Variants in FAM117B observed in about 807,000 individuals in gnomAD.
FAM117B encodes family with sequence similarity 117 member B.
FAM117B carries 22 observed loss-of-function variants against 52.8 expected under a neutral mutation model. The ratio of observed to expected loss-of-function variants is 0.42; its 90% CI spans 0.30 to 0.59. The LOEUF (loss-of-function observed/expected upper bound fraction) is 0.59. Among genes scored for constraint, FAM117B ranks in the 20% least tolerant of loss-of-function variants. The pLI is 0.22. For missense variants in FAM117B, 678 were observed against 802.6 expected (o/e 0.84, Z 1.88); for synonymous variants, 309 against 324.1 (o/e 0.95, Z 0.50).
intron 1 of FAM117B, among the ~76,000 whole-genome samples, chr2:202,678,345 T>G (rs1178675220): frequency 9.9e-5 from 15 of 152,116 alleles, no homozygotes; most frequent in Admixed American, 9.8e-4. Context: ...GGAGGTGGTG[T>G]TTGATTTGCA....
chr2:202,696,341 G>A (rs556509003), intron 2 of FAM117B, among the ~76,000 whole-genome samples: 1 of 151,862 alleles, frequency 6.6e-6, no homozygotes, highest in Non-Finnish European at 1.5e-5. Flanking sequence ...CCAATCTTTT[G>A]TCTTCCCTGG....
At chr2:202,697,392 G>T (rs1211495856) in intron 2 of FAM117B, among the ~76,000 whole-genome samples, 1 of 152,158 alleles carries the variant, frequency 6.6e-6, no homozygotes, top group African/African-American at 2.4e-5. Context: ...GAGCAAAACA[G>T]TTACAGCTTT....
chr2:202,734,544 A>C (rs1691409599), intron 4 of FAM117B, among the ~76,000 whole-genome samples: 1 of 152,204 alleles, frequency 6.6e-6, no homozygotes, highest in Non-Finnish European at 1.5e-5. Flanking sequence ...AAGAACCAAA[A>C]AAGTAAACAG....
chr2:202,715,642 C>T (rs550350222), intron 2 of FAM117B, among the ~76,000 whole-genome samples: 3 of 152,080 alleles, frequency 2.0e-5, no homozygotes, highest in East Asian at 1.9e-4. Flanking sequence ...AGATGATGGG[C>T]GGCCAGGCAG....
At chr2:202,698,844 T>C (rs1166804058) in intron 2 of FAM117B, among the ~76,000 whole-genome samples, 2 of 152,220 alleles carry the variant, frequency 1.3e-5, no homozygotes, top group African/African-American at 4.8e-5. Context: ...TGCTTTCTGC[T>C]TAATCCACAT....
At chr2:202,648,755 T>A (rs542904954) in intron 1 of FAM117B, among the ~76,000 whole-genome samples, 120 of 152,122 alleles carry the variant, frequency 7.9e-4, no homozygotes, top group Non-Finnish European at 1.5e-3. Flanking sequence ...AAATTCTTTT[T>A]TTATTATTAT....
At chr2:202,656,577 T>C (rs976398070) in intron 1 of FAM117B, among the ~76,000 whole-genome samples, 36 of 152,318 alleles carry the variant, frequency 2.4e-4, no homozygotes, top group African/African-American at 7.9e-4. Flanking sequence ...ATACCTTATT[T>C]TATTTCTTTT....
intron 6 of FAM117B, among the ~76,000 whole-genome samples, chr2:202,758,445 ATGT>A (rs1343941490): frequency 2.1e-4 from 32 of 152,098 alleles, no homozygotes; most frequent in Admixed American, 9.8e-4. Context: ...AACTCAATAA[ATGT>A]TGTGTCCTGA....
At chr2:202,649,406 T>C (rs910115948) in intron 1 of FAM117B, among the ~76,000 whole-genome samples, 1 of 152,230 alleles carries the variant, frequency 6.6e-6, no homozygotes, top group South Asian at 2.1e-4. Flanking sequence ...TGGTGTGTTG[T>C]CTAATATTTC....
In FAM117B at chr2:202,739,172, G is replaced by C. The variant is rs554398366; in HGVS notation, c.960+12809G>C. On this transcript the variant is annotated intron_variant, in intron 4 of 7. Transcript: ENST00000392238. ...CTGCTGCACTCCAGCCTGGATGACA[G>C]AGTGAGACTCTTGTCTCAAAACAAC... Among the ~76,000 whole-genome samples, 12 of 152,278 alleles carry C rather than the reference G, an allele frequency of 7.9e-5. No individual in the cohort carries two copies. In the East Asian group the frequency reaches 2.1e-3, roughly 27 times the overall value.
chr2:202,724,547 T>A (rs1691207021), intron 2 of FAM117B, among the ~76,000 whole-genome samples: 1 of 152,250 alleles, frequency 6.6e-6, no homozygotes. Flanking sequence ...GAATGTTAGC[T>A]ATTATTAGTG....
chr2:202,635,145 C>T lies in FAM117B; in HGVS notation c.-43C>T. ...TCCTCCCCCTGCAGCCCAACAACAA[C>T]AAAACCCCCCGTCTCGCCCAGTCAC... On this transcript the variant is annotated 5_prime_UTR_variant, in exon 1 of 8. Transcript: ENST00000392238. 1 of 1,254,614 alleles carries T rather than the reference C, an allele frequency of 8.0e-7. No homozygotes were observed. The highest frequency in any genetic ancestry group is 1.0e-6 in the Non-Finnish European group (1 of 999,196). The allele number at this position is 1,254,614 out of a possible 1,614,324, so 77.7% of individuals were successfully genotyped here. A position where few individuals can be genotyped will look rare whatever the true frequency, so the allele number is the denominator to read the frequency against.
intron 1 of FAM117B, among the ~76,000 whole-genome samples, chr2:202,655,866 A>G (rs1382151308): frequency 6.6e-6 from 1 of 152,082 alleles, no homozygotes; most frequent in East Asian, 1.9e-4. Context: ...TGAACAATCA[A>G]TTGGGAGAAC....
intron 1 of FAM117B, among the ~76,000 whole-genome samples, chr2:202,686,459 A>G (rs955199978): frequency 6.6e-6 from 1 of 152,218 alleles, no homozygotes; most frequent in Non-Finnish European, 1.5e-5. Context: ...TTCTTCAAGA[A>G]TTTTCGTATA....
intron 4 of FAM117B, among the ~76,000 whole-genome samples, chr2:202,738,258 G>T (rs1261823987): frequency 6.6e-6 from 1 of 152,056 alleles, no homozygotes; most frequent in Non-Finnish European, 1.5e-5. Context: ...AATTTTGTTG[G>T]CAGTATATTA....
chr2:202,659,741 A>G (rs987714107), intron 1 of FAM117B, among the ~76,000 whole-genome samples: 1 of 149,816 alleles, frequency 6.7e-6, no homozygotes, highest in African/African-American at 2.5e-5. Flanking sequence ...CAGCCTCCCA[A>G]GTAGCTGGGA....
intron 1 of FAM117B, among the ~76,000 whole-genome samples, chr2:202,659,984 A>G (rs146062624): frequency 2.8e-3 from 424 of 151,244 alleles, no homozygotes; most frequent in Non-Finnish European, 3.6e-3. Context: ...ATTTCTGTTG[A>G]TCTATTTTTA....
intron 6 of FAM117B, 24 bp downstream of exon 6, chr2:202,757,462 A>G (rs375353567): frequency 6.2e-5 from 99 of 1,601,412 alleles, no homozygotes; most frequent in Middle Eastern, 3.3e-4. Flanking sequence ...GGAATGTGCT[A>G]CTAGATGATA....
At chr2:202,667,980 T>C (rs532788723) in intron 1 of FAM117B, among the ~76,000 whole-genome samples, 1 of 151,234 alleles carries the variant, frequency 6.6e-6, no homozygotes, top group East Asian at 1.9e-4. Context: ...TCTAGCACTT[T>C]GGGAGGCCCA....
Sources: allele counts gnomAD v4.1 joint callset (sites outside exome capture counted in the v4.1 genomes callset), GRCh38; gene constraint gnomAD v4.1.1; transcripts MANE v1.5; gene names NCBI Gene and HGNC (gene_info 2026-07-23, HGNC 2026-07-21).